CPA6: variants seen among roughly 807,000 people sequenced by gnomAD.
The protein encoded by CPA6 is carboxypeptidase A6.
A neutral mutation model predicts 63.3 loss-of-function variants in CPA6; 58 were observed. That is an observed-to-expected ratio of 0.92 (90% CI 0.74 to 1.14). CPA6 has a LOEUF of 1.14. Among genes scored for constraint, CPA6 ranks in the 50% most tolerant of loss-of-function variants. The probability of loss-of-function intolerance (pLI) is 0.00; values close to 1 mark genes in which losing one functional copy is unlikely to be tolerated. For synonymous variants in CPA6, 185 were observed against 179.0 expected (o/e 1.03, Z -0.27); for missense variants, 565 against 526.6 (o/e 1.07, Z -0.71).
At chr8:67,512,935 G>T (rs1812071333) in intron 3 of CPA6, among the ~76,000 whole-genome samples, 1 of 151,966 alleles carries the variant, frequency 6.6e-6, no homozygotes, top group South Asian at 2.1e-4. Flanking sequence ...ATTAACTTAG[G>T]GTCATACTGG....
At chr8:67,630,889 A>G (rs1445091606) in intron 1 of CPA6, among the ~76,000 whole-genome samples, 2 of 152,244 alleles carry the variant, frequency 1.3e-5, no homozygotes, top group Non-Finnish European at 2.9e-5. Context: ...CGGAGGCTGC[A>G]CTGGGTCCTC....
intron 1 of CPA6, among the ~76,000 whole-genome samples, chr8:67,679,860 G>A (rs1816556296): frequency 6.6e-6 from 1 of 152,138 alleles, no homozygotes; most frequent in Non-Finnish European, 1.5e-5. Context: ...CACTTCCTCT[G>A]TTAGTGGTGC....
intron 2 of CPA6, among the ~76,000 whole-genome samples, chr8:67,555,398 G>GTGTGGGGA (rs1335096721): frequency 6.6e-6 from 1 of 152,214 alleles, no homozygotes; most frequent in Non-Finnish European, 1.5e-5. Context: ...AAATGATGGT[G>GTGTGGGGA]TGTGGGGAGC....
intron 8 of CPA6, among the ~76,000 whole-genome samples, chr8:67,475,900 T>G (rs1429917734): frequency 1.1e-5 from 1 of 94,888 alleles, no homozygotes; most frequent in African/African-American, 4.8e-5. Flanking sequence ...CTTTCTTTCT[T>G]TCTTTCTTTC....
chr8:67,577,294 C>T (rs903230453), intron 2 of CPA6, among the ~76,000 whole-genome samples: 1 of 152,176 alleles, frequency 6.6e-6, no homozygotes, highest in Non-Finnish European at 1.5e-5. Flanking sequence ...TGGAATGAGA[C>T]ATCAGTCTAA....
chr8:67,475,881 C>CTTTCTTTCTCCTTTCTTT (rs1491556290), intron 8 of CPA6, among the ~76,000 whole-genome samples: 1 of 43,096 alleles, frequency 2.3e-5, no homozygotes, highest in African/African-American at 9.4e-5. Context: ...CTTTCTTTCT[C>CTTTCTTTCTCCTTTCTTT]CTTTCTTTCT....
At chr8:67,597,388 G>GTTGTATTTTGTA (rs1814371800) in intron 2 of CPA6, among the ~76,000 whole-genome samples, 2 of 151,884 alleles carry the variant, frequency 1.3e-5, no homozygotes, top group African/African-American at 2.4e-5. Flanking sequence ...TAGAGATGGG[G>GTTGTATTTTGTA]TTTCACCATG....
chr8:67,441,229 G>T (rs1233611337), intron 8 of CPA6, among the ~76,000 whole-genome samples: 1 of 152,110 alleles, frequency 6.6e-6, no homozygotes, highest in African/African-American at 2.4e-5. Context: ...TACTTATAAG[G>T]ATGTGCAGTA....
chr8:67,525,784 A>C (rs1188532639), intron 2 of CPA6, among the ~76,000 whole-genome samples: 5 of 152,258 alleles, frequency 3.3e-5, no homozygotes, highest in Non-Finnish European at 4.4e-5. Flanking sequence ...AGAAAGTTAA[A>C]TATTGCATGT....
At chr8:67,612,724 G>A (rs1354383715) in intron 2 of CPA6, among the ~76,000 whole-genome samples, 1 of 152,150 alleles carries the variant, frequency 6.6e-6, no homozygotes, top group Non-Finnish European at 1.5e-5. Flanking sequence ...CTTTAATCAA[G>A]CAAAGTCTTT....
chr8:67,444,329 G>A (rs1810365414), intron 8 of CPA6, among the ~76,000 whole-genome samples: 1 of 152,060 alleles, frequency 6.6e-6, no homozygotes, highest in Non-Finnish European at 1.5e-5. Flanking sequence ...AGATGAGAAG[G>A]GATGTGGACA....
intron 2 of CPA6, among the ~76,000 whole-genome samples, chr8:67,591,561 T>C (rs1814125961): frequency 6.6e-6 from 1 of 152,196 alleles, no homozygotes; most frequent in Admixed American, 6.5e-5. Context: ...TTTTATTTCA[T>C]TGAGCAGTGG....
chr8:67,511,781 C>T, intron 3 of CPA6, 126 bp from the exon 4 acceptor site: 2 of 632,852 alleles, frequency 3.2e-6, no homozygotes, highest in Admixed American at 2.6e-5. Flanking sequence ...CCTAAAAATA[C>T]CAAATGTTGG....
At chr8:67,623,495 A>C (rs1326437103) in intron 2 of CPA6, among the ~76,000 whole-genome samples, 1 of 152,126 alleles carries the variant, frequency 6.6e-6, no homozygotes, top group Non-Finnish European at 1.5e-5. Context: ...GTCTCAAAAA[A>C]AGAGATACTA....
chr8:67,495,534 C>T (rs1811693277), intron 6 of CPA6, among the ~76,000 whole-genome samples: 1 of 152,098 alleles, frequency 6.6e-6, no homozygotes, highest in Admixed American at 6.6e-5. Flanking sequence ...ATCCACTCTT[C>T]CTGTCTATGT....
chr8:67,715,880 G>A (rs570082134), intron 1 of CPA6, among the ~76,000 whole-genome samples: 5 of 152,270 alleles, frequency 3.3e-5, no homozygotes, highest in African/African-American at 7.2e-5. Context: ...TGGGCAGGGC[G>A]CGGTGGCTCA....
intron 1 of CPA6, among the ~76,000 whole-genome samples, chr8:67,724,880 C>A (rs962525485): frequency 1.3e-5 from 2 of 152,240 alleles, no homozygotes; most frequent in Non-Finnish European, 1.5e-5. Flanking sequence ...ATAACATCTT[C>A]AGGAAGTCCT....
chr8:67,503,353 G>A (rs1811865654), intron 6 of CPA6, among the ~76,000 whole-genome samples: 1 of 152,008 alleles, frequency 6.6e-6, no homozygotes. Flanking sequence ...CTGGAGTGCA[G>A]TAGCATCATC....
chr8:67,525,598 A>G (rs1021025288), intron 2 of CPA6, among the ~76,000 whole-genome samples: 5 of 152,208 alleles, frequency 3.3e-5, no homozygotes, highest in Non-Finnish European at 5.9e-5. Context: ...GCTGATTGCC[A>G]TAATGGGATA....
Sources: gnomAD v4.1 joint callset for allele counts (sites outside exome capture counted in the v4.1 genomes callset) on GRCh38, gnomAD v4.1.1 for gene constraint, MANE v1.5 for transcripts, NCBI Gene and HGNC (gene_info 2026-07-23, HGNC 2026-07-21) for gene names.